The following CDK12 variants were observed in gnomAD, a reference collection of about 807,000 sequenced individuals.
The protein encoded by CDK12 is cyclin dependent kinase 12.
Under a neutral mutation model 133.8 loss-of-function variants are expected in CDK12, and 17 were observed. The observed-to-expected ratio is 0.13, with a 90% CI of 0.09 to 0.19. CDK12 has a LOEUF of 0.19. Ranked by LOEUF, CDK12 falls within the 10% of genes least tolerant of loss-of-function variation. The pLI, the probability that CDK12 is intolerant of heterozygous loss-of-function variation, is 1.00. For missense variants in CDK12, 1,508 were observed against 1,818.7 expected (o/e 0.83, Z 3.11); for synonymous variants, 694 against 683.6 (o/e 1.02, Z -0.24).
At chr17:39,517,705 T>G in intron 10 of CDK12, 149 bp downstream of exon 10, 1 of 569,142 alleles carries the variant, frequency 1.8e-6, no homozygotes, top group Non-Finnish European at 3.1e-6. Context: ...TATATGAGTT[T>G]TATCATAGCC....
In CDK12 at chr17:39,524,702, T is replaced by A; in HGVS notation, c.3124T>A (p.Leu1042Met). The A allele has an allele frequency of 3.1e-6, 5 of 1,614,090 alleles. No individual in the cohort carries two copies. Among genetic ancestry groups the A allele is most frequent in the Non-Finnish European group, 2.5e-6 (3 of 1,180,004 alleles). ...CCCCCACTGGCAGGATTGCCATGAG[T>A]TGTGGAGTAAGAAACGGCGACGTCA... is the stretch of plus-strand genomic sequence containing the variant. ...DLPHWQDCHE[L>M]WSKKRRRQRQ... The change falls in exon 12 of 14, where the codon TTG (leucine) becomes ATG (methionine). Residue 1042 changes from leucine to methionine, a missense_variant. Leu to Met is a conservative substitution (Grantham distance 15, BLOSUM62 2). This residue lies in a region of CDK12 where 399 missense variants were observed against 469.6 expected (regional missense o/e 0.85). Coordinates refer to ENST00000447079, the MANE Select transcript of CDK12 (RefSeq NM_016507.4).
chr17:39,548,253 T>A (rs2055807756), upstream of CDK12, among the ~76,000 whole-genome samples: 1 of 152,154 alleles, frequency 6.6e-6, no homozygotes, highest in Admixed American at 6.5e-5. Flanking sequence ...GTACCACTTG[T>A]TCTTCCTTGA....
At chr17:39,535,244 GGA>G (rs1221285237), downstream of CDK12, 4 of 152,316 alleles carry the variant, frequency 2.6e-5, no homozygotes, top group East Asian at 7.7e-4. Flanking sequence ...AAGTCCACTA[GGA>G]GAAAGAAAGA....
chr17:39,477,443 G>C (rs1347850616), intron 2 of CDK12, among the ~76,000 whole-genome samples: 1 of 150,898 alleles, frequency 6.6e-6, no homozygotes, highest in Non-Finnish European at 1.5e-5. Flanking sequence ...TCACTGTGTT[G>C]GTCAGGCTGG....
Position 39,462,483 on chromosome 17 carries a change from A to G in CDK12, c.412A>G (p.Ser138Gly), listed in dbSNP as rs558704332. ...TEKEKSQEVSSKSGSMKDRIS... is the reference protein window; with the variant it reads ...TEKEKSQEVSGKSGSMKDRIS... ...AAAAGAAAAAAGCCAAGAAGTCTCC[A>G]GCAAGTCGGGATCGATGAAGGACCG... is the stretch of plus-strand genomic sequence containing the variant. Residue 138 changes from serine to glycine, a missense_variant, in exon 1 of 14, where the codon AGC becomes GGC. By Grantham distance (56) the Ser-to-Gly change is moderately conservative (BLOSUM62 0). This residue lies in a region of CDK12 where 460 missense variants were observed against 490.8 expected (regional missense o/e 0.94). Transcript: ENST00000447079. The G allele has an allele frequency of 1.2e-6, 2 of 1,614,164 alleles. No homozygotes were observed. The highest frequency in any genetic ancestry group is 1.7e-6 in the Non-Finnish European group (2 of 1,180,042).
intron 2 of CDK12, among the ~76,000 whole-genome samples, chr17:39,489,871 C>G (rs889517092): frequency 6.8e-6 from 1 of 146,622 alleles, no homozygotes; most frequent in Non-Finnish European, 1.5e-5. Context: ...AACTCCTGGC[C>G]TCAAGCAATC....
At chr17:39,529,399 T>G (rs906900476) in intron 13 of CDK12, among the ~76,000 whole-genome samples, 2 of 152,254 alleles carry the variant, frequency 1.3e-5, no homozygotes, top group African/African-American at 2.4e-5. Flanking sequence ...TTGGCTTGTT[T>G]TGAGTAATGA....
chr17:39,522,382 C>T (rs1193890734), intron 11 of CDK12, among the ~76,000 whole-genome samples: 2 of 151,978 alleles, frequency 1.3e-5, no homozygotes, highest in African/African-American at 2.4e-5. Flanking sequence ...CCACTGAACC[C>T]GGCCAACAGT....
chr17:39,495,954 C>G (rs1000073636), intron 5 of CDK12, among the ~76,000 whole-genome samples: 2 of 152,000 alleles, frequency 1.3e-5, no homozygotes, highest in Non-Finnish European at 2.9e-5. Flanking sequence ...CTCTCTCACC[C>G]AGGCTGGAGT....
chr17:39,505,387 T>C (rs939302855), intron 6 of CDK12, among the ~76,000 whole-genome samples: 2 of 151,520 alleles, frequency 1.3e-5, no homozygotes, highest in African/African-American at 4.9e-5. Context: ...TAGCTGGGTG[T>C]GGAGGTGCGT....
intron 3 of CDK12, among the ~76,000 whole-genome samples, chr17:39,562,874 T>G (rs1444788448): frequency 1.4e-5 from 2 of 139,160 alleles, no homozygotes; most frequent in Non-Finnish European, 3.0e-5. Context: ...TCTGTCTCTC[T>G]CTTCTCCTTT....
chr17:39,475,608 C>T lies in CDK12; in HGVS notation c.1931+3845C>T, dbSNP rs553828236. 2.8e-5 allele frequency among the ~76,000 whole-genome samples: 4 copies of T among 145,186 alleles called. No homozygotes were observed. In the East Asian group the frequency reaches 6.1e-4, roughly 22 times the overall value. On this transcript the variant is annotated intron_variant, in intron 2 of 13. Coordinates refer to ENST00000447079, the MANE Select transcript of CDK12 (RefSeq NM_016507.4). Reference sequence around the variant, plus strand: ...TGTTGTCCGGGCTGGAGTGCAGTGGCGATCTTGGCTCACTGCAAACTCCAT... The same window carrying T: ...TGTTGTCCGGGCTGGAGTGCAGTGGTGATCTTGGCTCACTGCAAACTCCAT...
intron 5 of CDK12, among the ~76,000 whole-genome samples, chr17:39,495,729 A>G (rs2052049842): frequency 6.7e-6 from 1 of 148,382 alleles, no homozygotes; most frequent in East Asian, 2.1e-4. Context: ...TGGGAGGCGG[A>G]GCTTGCGGTG....
At chr17:39,470,141 T>C (rs1597925244) in intron 1 of CDK12, among the ~76,000 whole-genome samples, 2 of 151,992 alleles carry the variant, frequency 1.3e-5, no homozygotes, top group South Asian at 2.1e-4. Flanking sequence ...ATCTATTTTT[T>C]TTTTTTTTGA....
intron 1 of CDK12, 71 bp downstream of exon 1, chr17:39,463,188 C>G: frequency 7.3e-7 from 1 of 1,378,940 alleles, no homozygotes; most frequent in African/African-American, 1.4e-5. Context: ...AGCGTGTTAA[C>G]ATTGTCTGGA....
chr17:39,505,984 C>T (rs997212719), intron 6 of CDK12, among the ~76,000 whole-genome samples: 3 of 152,064 alleles, frequency 2.0e-5, no homozygotes, highest in African/African-American at 7.2e-5. Context: ...GACCTCTCAC[C>T]TAATGACTTT....
intron 2 of CDK12, among the ~76,000 whole-genome samples, chr17:39,476,438 A>G (rs1275838390): frequency 6.7e-6 from 1 of 148,898 alleles, no homozygotes; most frequent in East Asian, 2.0e-4. Context: ...TTATTTTTTG[A>G]GATGGAATTT....
rs1373588707 is a variant in CDK12 at position 39,517,877 on chromosome 17, G to T, written c.2963+321G>T. On this transcript the variant is annotated intron_variant, in intron 10 of 13. Transcript: ENST00000447079. Reference sequence around the variant, plus strand: ...TTTGTTTGTTTTTTAAATTGAGACAGGGTCTTGCTGTGTTGTCCAGGCTGG... The same window carrying T: ...TTTGTTTGTTTTTTAAATTGAGACATGGTCTTGCTGTGTTGTCCAGGCTGG... 2.6e-5 allele frequency among the ~76,000 whole-genome samples: 4 copies of T among 152,236 alleles called. No individual in the cohort carries two copies. In the East Asian group the frequency reaches 5.8e-4, roughly 22 times the overall value.
intron 2 of CDK12, among the ~76,000 whole-genome samples, chr17:39,480,792 G>C (rs1452513757): frequency 1.3e-5 from 2 of 152,148 alleles, no homozygotes; most frequent in Non-Finnish European, 2.9e-5. Flanking sequence ...AAATGCAAGA[G>C]TGAATTCAGC....
Sources: gnomAD v4.1 joint callset for allele counts (sites outside exome capture counted in the v4.1 genomes callset) on GRCh38, gnomAD v4.1.1 for gene constraint, gnomAD v4.1.1 regional missense constraint, MANE v1.5 for transcripts, NCBI Gene and HGNC (gene_info 2026-07-23, HGNC 2026-07-21) for gene names.